PCDHGA7: variants seen among roughly 807,000 people sequenced by gnomAD.
The protein encoded by PCDHGA7 is protocadherin gamma subfamily A, 7, also known as protocadherin gamma-A7.
A neutral mutation model predicts 58.3 loss-of-function variants in PCDHGA7; 44 were observed. The ratio of observed to expected loss-of-function variants is 0.75; its 90% CI spans 0.59 to 0.97. PCDHGA7 has a LOEUF of 0.97. Ranked by LOEUF, PCDHGA7 falls within the 50% of genes least tolerant of loss-of-function variation. The pLI is 0.00. For missense variants in PCDHGA7, 1,266 were observed against 1,188.7 expected, an observed-to-expected ratio of 1.06 and a Z score of -0.96; for synonymous variants, 516 against 504.2, an observed-to-expected ratio of 1.02 and a Z score of -0.31.
At chr5:141,495,292 C>T (rs74321313) in intron 2 of PCDHGA7, among the ~76,000 whole-genome samples, 8,567 of 152,256 alleles carry the variant, frequency 0.056, 526 homozygotes, top group African/African-American at 0.16. Context: ...CCGCACTCAG[C>T]GCCTCCTCCA....
intron 1 of PCDHGA7, chr5:141,419,310 A>G: frequency 6.2e-7 from 1 of 1,613,948 alleles, no homozygotes; most frequent in Non-Finnish European, 8.5e-7. Flanking sequence ...TTCGGGCTCA[A>G]CGGCCGTGTC....
intron 1 of PCDHGA7, chr5:141,405,544 C>T: frequency 1.6e-6 from 1 of 632,908 alleles, no homozygotes; most frequent in Non-Finnish European, 2.7e-6. Context: ...CTCAGCCTCC[C>T]AAGTAGAGTA....
At chr5:141,433,211 T>TC in intron 1 of PCDHGA7, 1 of 1,568,160 alleles carries the variant, frequency 6.4e-7, no homozygotes, top group Non-Finnish European at 8.6e-7. Context: ...CTTCTTTCTT[T>TC]TTTTTTTTTA....
At chr5:141,395,105 G>A in intron 1 of PCDHGA7, 1 of 1,614,220 alleles carries the variant, frequency 6.2e-7, no homozygotes, top group East Asian at 2.2e-5. Context: ...CCGACTCGCG[G>A]AAGAGTCACC....
chr5:141,410,631 C>CT (rs768462511), intron 1 of PCDHGA7: 26 of 1,600,818 alleles, frequency 1.6e-5, no homozygotes, highest in Non-Finnish European at 2.2e-5. Context: ...GTGAGTTTCT[C>CT]TTTTTTGTGT....
At chr5:141,453,989 A>T (rs902043628) in intron 1 of PCDHGA7, among the ~76,000 whole-genome samples, 6 of 152,256 alleles carry the variant, frequency 3.9e-5, no homozygotes, top group African/African-American at 1.4e-4. Context: ...CCTTCCAGTG[A>T]TAAACCCACA....
intron 1 of PCDHGA7, among the ~76,000 whole-genome samples, chr5:141,406,263 TC>T (rs1163660392): frequency 3.9e-5 from 6 of 151,964 alleles, no homozygotes; most frequent in Non-Finnish European, 8.8e-5. Flanking sequence ...CAAACGATCT[TC>T]CTGCTTCAGT....
At position 141,473,164 on chromosome 5, in the gene PCDHGA7, G is replaced by A. The variant is rs190029663; in HGVS notation, c.2425-21643G>A. Among the ~76,000 whole-genome samples the A allele has an allele frequency of 1.6e-3, 241 of 152,250 alleles. 5 individuals carry two copies. The highest frequency in any genetic ancestry group is 2.1e-4 in the Non-Finnish European group (14 of 68,014). ...TCTTCAGATCACTAGGGCTAGGAAG[G>A]CCCACTGGTAACTTGAAGGAGTAAA... On this transcript the variant is annotated intron_variant, in intron 1 of 3. Transcript: ENST00000518325.
rs371173445 is a variant in PCDHGA7 at position 141,383,743 on chromosome 5, C to A, written c.844C>A (p.Arg282=). ...CAATGGGGAAGTGACATATTCTTTT[C>A]GGAAAATAACTCCTAAACTTCCAAA... ...GVNGEVTYSF[R]KITPKLPKMF... Residue 282 remains arginine, a synonymous_variant, in exon 1 of 4, where the codon CGG becomes AGG. Transcript: ENST00000518325. 2.0e-5 allele frequency: 32 copies of A among 1,613,922 alleles called. No individual in the cohort carries two copies. The South Asian group carries it at 3.3e-4, about 17-fold the overall frequency.
intron 1 of PCDHGA7, among the ~76,000 whole-genome samples, chr5:141,463,124 T>C (rs2099053100): frequency 6.6e-6 from 1 of 152,174 alleles, no homozygotes; most frequent in African/African-American, 2.4e-5. Context: ...AATAGCTCCC[T>C]GGCAGTTCTT....
intron 1 of PCDHGA7, chr5:141,414,410 G>A (rs1216701146): frequency 1.2e-6 from 2 of 1,613,856 alleles, no homozygotes; most frequent in Non-Finnish European, 1.7e-6. Context: ...GTGATACACA[G>A]AGCCCTTGAC....
At chr5:141,392,676 C>T in intron 1 of PCDHGA7, 1 of 917,280 alleles carries the variant, frequency 1.1e-6, no homozygotes, top group East Asian at 2.7e-5. Context: ...AACTGCTGGA[C>T]TGCAGCGAAA....
chr5:141,383,160 G>T lies in PCDHGA7; in HGVS notation c.261G>T (p.Ala87=), dbSNP rs770719921. 1.9e-6 allele frequency: 3 copies of T among 1,613,316 alleles called. No homozygotes were observed. The highest frequency in any genetic ancestry group is 1.7e-5 in the Admixed American group (1 of 60,024). ...LNQRSGSLVT[A]GRIDREEICA... ...AGCGCAGCGGCAGCTTGGTCACTGC[G>T]GGCAGGATAGACCGGGAAGAGATCT... Residue 87 remains alanine (A), a synonymous_variant, in exon 1 of 4, where the codon GCG becomes GCT. Transcript: ENST00000518325.
chr5:141,384,598 C>T lies in PCDHGA7; in HGVS notation c.1699C>T (p.Leu567Phe), dbSNP rs1451402043. Residue 567 changes from leucine (L) to phenylalanine (F), a missense_variant, in exon 1 of 4, where the codon CTC becomes TTC. Leu to Phe is a conservative substitution (Grantham distance 22). Transcript: ENST00000518325. ...CCCGCCCGAGATCCTGTACCCGGCCCTCCCCACAGATGGTTCTACTGGCAT... is the reference window on the plus strand; with the variant it reads ...CCCGCCCGAGATCCTGTACCCGGCCTTCCCCACAGATGGTTCTACTGGCAT... The part of the protein sequence containing the change: ...DNPPEILYPA[L>F]PTDGSTGMEL... 2.5e-6 allele frequency: 4 copies of T among 1,614,138 alleles called. No individual in the cohort carries two copies. The African/African-American group carries it at 5.3e-5, about 22-fold the overall frequency.
chr5:141,424,519 A>T (rs1216899186), intron 1 of PCDHGA7: 1 of 152,222 alleles, frequency 6.6e-6, no homozygotes, highest in African/African-American at 2.4e-5. Context: ...TTAATGTAGT[A>T]AATCCATATA....
chr5:141,433,935 T>C (rs2097665519), intron 1 of PCDHGA7, among the ~76,000 whole-genome samples: 1 of 152,150 alleles, frequency 6.6e-6, no homozygotes, highest in African/African-American at 2.4e-5. Context: ...GATTTTATAA[T>C]TCCATTGTTT....
At position 141,485,576 on chromosome 5, in the gene PCDHGA7, C is replaced by A; in HGVS notation, c.2425-9231C>A. 1 of 1,612,412 alleles carries A rather than the reference C, an allele frequency of 6.2e-7. No individual in the cohort carries two copies. The highest frequency in any genetic ancestry group is 8.5e-7 in the Non-Finnish European group (1 of 1,178,628). On this transcript the variant is annotated intron_variant, in intron 1 of 3. Transcript: ENST00000518325. The surrounding 1 kb of genome is among the most constrained non-coding windows in gnomAD (Gnocchi z 5.7). ...GAATGATCACGCCCCCCGTTTTCCGCGGCAGCAGCTGGACTTGGAAATTGG... is the reference window on the plus strand; with the variant it reads ...GAATGATCACGCCCCCCGTTTTCCGAGGCAGCAGCTGGACTTGGAAATTGG...
intron 1 of PCDHGA7, among the ~76,000 whole-genome samples, chr5:141,453,993 A>T (rs2098779172): frequency 6.6e-6 from 1 of 152,234 alleles, no homozygotes; most frequent in African/African-American, 2.4e-5. Flanking sequence ...CCAGTGATAA[A>T]CCCACATAAC....
intron 1 of PCDHGA7, among the ~76,000 whole-genome samples, chr5:141,449,868 T>C (rs902371897): frequency 1.3e-5 from 2 of 151,910 alleles, no homozygotes; most frequent in African/African-American, 4.8e-5. Flanking sequence ...AATCAGAAAA[T>C]TTAACATCAA....
Sources: gnomAD v4.1 joint callset for allele counts (sites outside exome capture counted in the v4.1 genomes callset) on GRCh38, gnomAD v4.1.1 for gene constraint, Gnocchi (gnomAD v3.1) non-coding constraint, MANE v1.5 for transcripts, NCBI Gene and HGNC (gene_info 2026-07-23, HGNC 2026-07-21) for gene names.